Variants in FRMD4A observed in about 807,000 individuals in gnomAD.
The protein encoded by FRMD4A is FERM domain-containing protein 4A.
FRMD4A carries 29 observed loss-of-function variants against 129.1 expected under a neutral mutation model. The ratio of observed to expected loss-of-function variants is 0.22; its 90% CI spans 0.17 to 0.31. FRMD4A has a LOEUF of 0.31. FRMD4A is among the 10% of genes least tolerant of loss of function. The probability of loss-of-function intolerance (pLI) is 1.00; values close to 1 mark genes in which losing one functional copy is unlikely to be tolerated. For missense variants in FRMD4A, 1,272 were observed against 1,375.8 expected, an observed-to-expected ratio of 0.92 and a Z score of 1.19; for synonymous variants, 634 against 571.6, an observed-to-expected ratio of 1.11 and a Z score of -1.56.
intron 2 of FRMD4A, among the ~76,000 whole-genome samples, chr10:14,041,693 C>T (rs901127470): frequency 6.6e-5 from 10 of 152,050 alleles, no homozygotes; most frequent in East Asian, 3.8e-4. Context: ...GTGTAGTCTA[C>T]GCATAAGGTA....
In FRMD4A at chr10:14,117,236, T is replaced by A. The variant is rs1838243922; in HGVS notation, c.45+212822A>T. ...CCATGAATCCAGAAGAAGGCAAGAGTCCATCACAAGGCAGAGCCTGAACAG... is the reference window on the plus strand; with the variant it reads ...CCATGAATCCAGAAGAAGGCAAGAGACCATCACAAGGCAGAGCCTGAACAG... On this transcript the variant is annotated intron_variant, in intron 2 of 24. Transcript: ENST00000357447. Among the ~76,000 whole-genome samples, 5 of 152,180 alleles carry A rather than the reference T, an allele frequency of 3.3e-5. No homozygotes were observed. In the South Asian group the frequency reaches 1.0e-3, roughly 32 times the overall value.
intron 2 of FRMD4A, among the ~76,000 whole-genome samples, chr10:14,128,883 C>T (rs996446108): frequency 2.6e-5 from 4 of 152,066 alleles, no homozygotes; most frequent in Admixed American, 6.6e-5. Context: ...GACAGTCAGA[C>T]GAAGTAAAGA....
At position 14,072,580 on chromosome 10, in the gene FRMD4A, A is replaced by G. The variant is rs149523635; in HGVS notation, c.46-213668T>C. Among the ~76,000 whole-genome samples the G allele has an allele frequency of 1.4e-4, 22 of 152,346 alleles. No homozygotes were observed. The East Asian group carries it at 3.9e-3, about 27-fold the overall frequency. ...AATTTGCCATCCAGAACTGTGATGCATGCTCTCATTTCCAGCAAGATGTAA... is the reference window on the plus strand; with the variant it reads ...AATTTGCCATCCAGAACTGTGATGCGTGCTCTCATTTCCAGCAAGATGTAA... On this transcript the variant is annotated intron_variant, in intron 2 of 24. Coordinates refer to ENST00000357447, the MANE Select transcript of FRMD4A (RefSeq NM_018027.5).
chr10:13,779,365 A>C (rs1040426350), intron 6 of FRMD4A, among the ~76,000 whole-genome samples: 9 of 152,180 alleles, frequency 5.9e-5, no homozygotes, highest in African/African-American at 2.2e-4. Flanking sequence ...ATGTTCTGAC[A>C]ACCAAGAGAA....
intron 23 of FRMD4A, chr10:13,652,249 T>C (rs2081687886): frequency 1.0e-5 from 5 of 486,592 alleles, no homozygotes; most frequent in Non-Finnish European, 7.4e-6. Flanking sequence ...AGAACCAAAA[T>C]TGCTGTTTTT....
At chr10:13,866,238 C>T in intron 2 of FRMD4A, 2 of 920,738 alleles carry the variant, frequency 2.2e-6, no homozygotes, top group Non-Finnish European at 2.6e-6. Context: ...ATTTCAAAAG[C>T]CAAGGCCCTA....
At chr10:14,205,420 G>C (rs1052270134) in intron 2 of FRMD4A, among the ~76,000 whole-genome samples, 4 of 152,130 alleles carry the variant, frequency 2.6e-5, no homozygotes, top group African/African-American at 4.8e-5. Context: ...TTCTGATGCT[G>C]ATAGGATGCC....
Position 13,930,087 on chromosome 10 carries a change from A to C in FRMD4A, c.46-71175T>G, listed in dbSNP as rs1380291494. 7.4e-4 allele frequency among the ~76,000 whole-genome samples: 113 copies of C among 152,338 alleles called. 1 individual carries two copies. Among genetic ancestry groups the C allele is most frequent in the Non-Finnish European group, 1.0e-4 (7 of 68,030 alleles). On this transcript the variant is annotated intron_variant, in intron 2 of 24. Coordinates refer to ENST00000357447, the MANE Select transcript of FRMD4A (RefSeq NM_018027.5). The stretch of plus-strand genomic sequence containing the variant: ...AAAAAAATACATTTAATTTCCAGAC[A>C]GGAGGGATATGTAACAATAACACCC...
rs188864146 is a variant in FRMD4A, at chr10:13,701,445, G to A, written c.870C>T (p.Ser290=). The change falls in exon 14 of 25, where the codon AGC becomes AGT. Residue 290 remains serine, a synonymous_variant. Transcript: ENST00000357447. ...ASVTRRTFGH[S]GIAVHTWYAC... ...CATACCACGTGTGCACTGCAATGCC[G>A]CTGTGCCCAAACGTCCTCCTTGTCA... 5.8e-5 allele frequency: 94 copies of A among 1,613,808 alleles called. No homozygotes were observed. The East Asian group carries it at 1.5e-3, about 26-fold the overall frequency.
chr10:14,104,302 A>G (rs1588982585), intron 2 of FRMD4A, among the ~76,000 whole-genome samples: 1 of 151,900 alleles, frequency 6.6e-6, no homozygotes, highest in Non-Finnish European at 1.5e-5. Context: ...TCGACGTTAC[A>G]CCGCCATCAA....
chr10:14,197,272 T>C (rs572687252), intron 2 of FRMD4A, among the ~76,000 whole-genome samples: 1 of 152,308 alleles, frequency 6.6e-6, no homozygotes, highest in South Asian at 2.1e-4. Context: ...GGGAACCACG[T>C]GATAACTTTT....
intron 2 of FRMD4A, among the ~76,000 whole-genome samples, chr10:14,129,817 A>G (rs760710749): frequency 1.2e-4 from 19 of 152,174 alleles, no homozygotes; most frequent in Non-Finnish European, 2.5e-4. Flanking sequence ...ACACTCAACA[A>G]TGAGAAGTCA....
At chr10:14,230,217 C>T (rs976680869) in intron 2 of FRMD4A, among the ~76,000 whole-genome samples, 1 of 152,188 alleles carries the variant, frequency 6.6e-6, no homozygotes, top group African/African-American at 2.4e-5. Flanking sequence ...GGCCCTCTCC[C>T]CCCTAGCATC....
chr10:14,304,911 C>A (rs1846297765), intron 2 of FRMD4A, among the ~76,000 whole-genome samples: 1 of 152,192 alleles, frequency 6.6e-6, no homozygotes, highest in Admixed American at 6.5e-5. Flanking sequence ...GGCTGTTTCC[C>A]ACAGTGGTCT....
chr10:13,700,861 G>A lies in FRMD4A; in HGVS notation c.975+479C>T, dbSNP rs1295909840. 5.4e-4 allele frequency among the ~76,000 whole-genome samples: 5 copies of A among 9,268 alleles called. 1 individual carries two copies. The South Asian group carries it at 0.034, about 64-fold the overall frequency. The allele number at this position is 9,268 out of a possible 152,430, so 6.1% of individuals were successfully genotyped here. A position where few individuals can be genotyped will look rare whatever the true frequency, so the allele number is the denominator to read the frequency against. The stretch of plus-strand genomic sequence containing the variant: ...TTTTTTTTTTAACGTTTCCAGTTTT[G>A]CATTAAAAAAAAAAAAATGGAGTTG... On this transcript the variant is annotated intron_variant, in intron 14 of 24. Coordinates refer to ENST00000357447, the MANE Select transcript of FRMD4A (RefSeq NM_018027.5).
At chr10:13,659,857 C>A (rs947501160) in intron 20 of FRMD4A, among the ~76,000 whole-genome samples, 1 of 55,640 alleles carries the variant, frequency 1.8e-5, no homozygotes, top group Admixed American at 1.9e-4. Flanking sequence ...ACCGAAAATG[C>A]CTTCCCCCCC....
At chr10:14,185,699 C>CT (rs1235283878) in intron 2 of FRMD4A, among the ~76,000 whole-genome samples, 1 of 152,188 alleles carries the variant, frequency 6.6e-6, no homozygotes, top group African/African-American at 2.4e-5. Context: ...AGCAGCTCAA[C>CT]AGTGGCACCT....
intron 2 of FRMD4A, chr10:13,890,681 T>C (rs2094684810): frequency 6.1e-6 from 6 of 985,074 alleles, no homozygotes; most frequent in Non-Finnish European, 7.2e-6. Context: ...TAGCAGCGTC[T>C]CCACTGGGAT....
chr10:14,143,160 G>C (rs1361358129), intron 2 of FRMD4A, among the ~76,000 whole-genome samples: 1 of 152,204 alleles, frequency 6.6e-6, no homozygotes, highest in East Asian at 1.9e-4. Flanking sequence ...TGAAAGCAAG[G>C]ACTCGAAGAG....
Sources: allele counts gnomAD v4.1 joint callset (sites outside exome capture counted in the v4.1 genomes callset), GRCh38; gene constraint gnomAD v4.1.1; transcripts MANE v1.5; gene names NCBI Gene and HGNC (gene_info 2026-07-23, HGNC 2026-07-21).